The following CPA6 variants were observed in gnomAD, a reference collection of about 807,000 sequenced individuals.
CPA6 encodes the protein carboxypeptidase A6.
In CPA6, 58 loss-of-function variants were observed where a neutral mutation model predicts 63.3. The observed-to-expected ratio is 0.92, with a 90% CI of 0.74 to 1.14. The LOEUF is 1.14. Among genes scored for constraint, CPA6 ranks in the 50% most tolerant of loss-of-function variants. The pLI, the probability that CPA6 is intolerant of heterozygous loss-of-function variation, is 0.00. For missense variants in CPA6, 565 were observed against 526.6 expected (o/e 1.07, Z -0.71); for synonymous variants, 185 against 179.0 (o/e 1.03, Z -0.27).
Position 67,481,737 on chromosome 8 carries a change from C to A in CPA6, c.838+2031G>T, listed in dbSNP as rs571921655. Among the ~76,000 whole-genome samples the A allele has an allele frequency of 3.3e-5, 5 of 152,304 alleles. No homozygotes were observed. The East Asian group carries it at 9.7e-4, about 29-fold the overall frequency. ...AGGGAATTTCATACTTACCTCAATACCCCTGACCTCAGAGTGATTCCCACA... is the reference window on the plus strand; with the variant it reads ...AGGGAATTTCATACTTACCTCAATAACCCTGACCTCAGAGTGATTCCCACA... On this transcript the variant is annotated intron_variant, in intron 8 of 10. Transcript: ENST00000297770.
chr8:67,520,899 A>G (rs569930357), intron 2 of CPA6, among the ~76,000 whole-genome samples: 1 of 152,348 alleles, frequency 6.6e-6, no homozygotes, highest in Non-Finnish European at 1.5e-5. Context: ...TCTGGTCAGT[A>G]GGTCTCACAT....
At chr8:67,462,540 CTTAA>C (rs1228921090) in intron 8 of CPA6, among the ~76,000 whole-genome samples, 1 of 152,154 alleles carries the variant, frequency 6.6e-6, no homozygotes, top group African/African-American at 2.4e-5. Flanking sequence ...AAAAGAATCA[CTTAA>C]TTAGTCAAAA....
intron 8 of CPA6, among the ~76,000 whole-genome samples, chr8:67,475,874 TCTTTCTCC>T (rs1811203328): frequency 1.2e-5 from 1 of 84,964 alleles, no homozygotes; most frequent in Non-Finnish European, 2.3e-5. Flanking sequence ...TTTCTTTCTT[TCTTTCTCC>T]TTTCTTTCTT....
intron 8 of CPA6, among the ~76,000 whole-genome samples, chr8:67,435,743 G>A (rs1425072650): frequency 6.6e-6 from 1 of 152,064 alleles, no homozygotes; most frequent in African/African-American, 2.4e-5. Flanking sequence ...CCAGAGAGGG[G>A]ACCTCCCAGC....
chr8:67,523,594 A>G (rs780666829), intron 2 of CPA6, among the ~76,000 whole-genome samples: 2 of 152,194 alleles, frequency 1.3e-5, no homozygotes, highest in Non-Finnish European at 2.9e-5. Context: ...AATGATAAAT[A>G]ATTCAAAATT....
At chr8:67,715,942 T>A (rs1243252834) in intron 1 of CPA6, among the ~76,000 whole-genome samples, 1 of 151,624 alleles carries the variant, frequency 6.6e-6, no homozygotes, top group Non-Finnish European at 1.5e-5. Context: ...TCACCTAAGG[T>A]CAGGAGTTCG....
In CPA6 at chr8:67,533,947, A is replaced by G. The variant is rs143170616; in HGVS notation, c.193-15900T>C. Among the ~76,000 whole-genome samples, 1,172 of 152,368 alleles carry G rather than the reference A, an allele frequency of 7.7e-3. 14 individuals are homozygous for G. Among genetic ancestry groups the G allele is most frequent in the African/African-American group, 0.026 (1,100 of 41,590 alleles). ...CCTATGTAGGGCAAGCCACAGTAGG[A>G]AAATGATGTGGTTGACGAAAAGGTG... On this transcript the variant is annotated intron_variant, in intron 2 of 10. Transcript: ENST00000297770.
intron 1 of CPA6, among the ~76,000 whole-genome samples, chr8:67,681,926 TA>T (rs200414034): frequency 1.3e-5 from 2 of 150,978 alleles, no homozygotes; most frequent in Middle Eastern, 3.2e-3. Flanking sequence ...GTCAATTTCT[TA>T]AAAAAAAAGA....
At chr8:67,529,173 G>C (rs1005383388) in intron 2 of CPA6, among the ~76,000 whole-genome samples, 1 of 151,970 alleles carries the variant, frequency 6.6e-6, no homozygotes, top group African/African-American at 2.4e-5. Context: ...AAAAAAAAAT[G>C]TTGGAATAAG....
intron 2 of CPA6, among the ~76,000 whole-genome samples, chr8:67,575,038 A>C (rs1023250970): frequency 6.6e-6 from 1 of 152,228 alleles, no homozygotes; most frequent in Non-Finnish European, 1.5e-5. Context: ...ACTATATAGA[A>C]AGAAAACAAA....
chr8:67,447,195 TCTTG>T (rs1206632457), intron 8 of CPA6, among the ~76,000 whole-genome samples: 1 of 151,974 alleles, frequency 6.6e-6, no homozygotes, highest in Non-Finnish European at 1.5e-5. Context: ...TTTTTTTGCC[TCTTG>T]CTTTTTTCTT....
chr8:67,614,576 G>T (rs1351740584), intron 2 of CPA6, among the ~76,000 whole-genome samples: 1 of 152,160 alleles, frequency 6.6e-6, no homozygotes, highest in Admixed American at 6.5e-5. Context: ...GCGACCTCCA[G>T]TTACCTTTAA....
chr8:67,541,807 C>T (rs936325571), intron 2 of CPA6, among the ~76,000 whole-genome samples: 2 of 152,196 alleles, frequency 1.3e-5, no homozygotes, highest in Non-Finnish European at 2.9e-5. Context: ...CCTGCTTTGG[C>T]TCGCCCTCTG....
intron 6 of CPA6, among the ~76,000 whole-genome samples, chr8:67,489,579 G>A (rs964144531): frequency 6.6e-6 from 1 of 151,684 alleles, no homozygotes; most frequent in African/African-American, 2.4e-5. Context: ...CAGATTATTT[G>A]GTATTTGTTG....
chr8:67,473,761 C>T (rs1334373869), intron 8 of CPA6, among the ~76,000 whole-genome samples: 3 of 152,064 alleles, frequency 2.0e-5, no homozygotes, highest in Non-Finnish European at 4.4e-5. Flanking sequence ...CGTGCCACCA[C>T]GCCTGGCTAA....
intron 1 of CPA6, among the ~76,000 whole-genome samples, chr8:67,705,034 C>T (rs2217028): frequency 0.48 from 72,376 of 151,970 alleles, 20,212 homozygotes; most frequent in African/African-American, 0.79. Flanking sequence ...AAATAAGAAA[C>T]AGGCTCAACT....
At chr8:67,637,613 G>C in intron 1 of CPA6, among the ~76,000 whole-genome samples, 1 of 151,358 alleles carries the variant, frequency 6.6e-6, no homozygotes, top group East Asian at 1.9e-4. Context: ...TGAGGAAAAG[G>C]GAAAGGAGTT....
chr8:67,574,376 CAAAA>C (rs1181267622), intron 2 of CPA6, among the ~76,000 whole-genome samples: 2 of 65,224 alleles, frequency 3.1e-5, no homozygotes. Context: ...GACTCTGTCT[CAAAA>C]AAAAAAAAAA....
At chr8:67,593,983 G>C (rs1814214756) in intron 2 of CPA6, among the ~76,000 whole-genome samples, 1 of 149,926 alleles carries the variant, frequency 6.7e-6, no homozygotes, top group Non-Finnish European at 1.5e-5. Context: ...TAGTCTCTAT[G>C]GTCTTTACAT....
Sources: gnomAD v4.1 joint callset for allele counts (sites outside exome capture counted in the v4.1 genomes callset) on GRCh38, gnomAD v4.1.1 for gene constraint, MANE v1.5 for transcripts, NCBI Gene and HGNC (gene_info 2026-07-23, HGNC 2026-07-21) for gene names.